DLG5: variants seen among roughly 807,000 people sequenced by gnomAD.
DLG5 encodes discs large MAGUK scaffold protein 5, also known as disks large homolog 5.
A neutral mutation model predicts 189.8 loss-of-function variants in DLG5; 48 were observed. That is an observed-to-expected ratio of 0.25 (90% CI 0.20 to 0.32). The LOEUF (loss-of-function observed/expected upper bound fraction) is 0.32, where lower values mean the gene tolerates loss of function less well. DLG5 is among the 10% of genes least tolerant of loss of function. The pLI is 1.00. For synonymous variants in DLG5, 1,016 were observed against 1,054.1 expected, an observed-to-expected ratio of 0.96 and a Z score of 0.70; for missense variants, 2,160 against 2,544.7, an observed-to-expected ratio of 0.85 and a Z score of 3.25.
chr10:77,870,946 CCAT>C (rs1844873799), intron 1 of DLG5, among the ~76,000 whole-genome samples: 2 of 151,738 alleles, frequency 1.3e-5, no homozygotes, highest in Non-Finnish European at 2.9e-5. Flanking sequence ...GCAGGCGTGT[CCAT>C]CAGAAAAAGA....
intron 1 of DLG5, among the ~76,000 whole-genome samples, chr10:77,900,539 C>T (rs1240232005): frequency 6.6e-6 from 1 of 152,184 alleles, no homozygotes; most frequent in African/African-American, 2.4e-5. Context: ...GTGGCTCACG[C>T]CTGTAATCCT....
chr10:77,825,409 C>CACACACACACACAA (rs1176843282), intron 13 of DLG5, among the ~76,000 whole-genome samples: 27 of 150,454 alleles, frequency 1.8e-4, no homozygotes, highest in Non-Finnish European at 3.0e-5. Flanking sequence ...CACACACACA[C>CACACACACACACAA]ACACACAGTA....
In DLG5 at chr10:77,817,759, T is replaced by C. The variant is rs1842133489; in HGVS notation, c.3784+18A>G. ...GCTTGGCACCCTCTGCAGCACAAAGTCCAAGTGGTGCAGTTACCCAGGCGG... is the reference window on the plus strand; with the variant it reads ...GCTTGGCACCCTCTGCAGCACAAAGCCCAAGTGGTGCAGTTACCCAGGCGG... On this transcript the variant is annotated intron_variant, in intron 18 of 31. Transcript: ENST00000372391. 8 of 1,547,152 alleles carry C rather than the reference T, an allele frequency of 5.2e-6. No individual in the cohort carries two copies. The highest frequency in any genetic ancestry group is 7.0e-6 in the Non-Finnish European group (8 of 1,143,074).
chr10:77,921,451 A>AT (rs1346054217), intron 1 of DLG5, among the ~76,000 whole-genome samples: 1 of 152,204 alleles, frequency 6.6e-6, no homozygotes, highest in African/African-American at 2.4e-5. Context: ...GGGAAAAAAA[A>AT]CAAACTTCCA....
the DLG5 span, among the ~76,000 whole-genome samples, chr10:77,933,474 AG>A: frequency 6.6e-6 from 1 of 151,862 alleles, no homozygotes; most frequent in Non-Finnish European, 1.5e-5. Context: ...TTGTATTTTT[AG>A]TACAGATGGG....
intron 1 of DLG5, among the ~76,000 whole-genome samples, chr10:77,909,351 T>C (rs1356418761): frequency 6.6e-6 from 1 of 152,020 alleles, no homozygotes; most frequent in Non-Finnish European, 1.5e-5. Context: ...CACCAGGGCC[T>C]GTCAGGGGTG....
At chr10:77,827,491 G>A (rs1301142780) in intron 13 of DLG5, among the ~76,000 whole-genome samples, 1 of 152,160 alleles carries the variant, frequency 6.6e-6, no homozygotes, top group Middle Eastern at 3.2e-3. Flanking sequence ...CTCCCAAAGT[G>A]CCATGATTAC....
rs1840833118 is a variant in DLG5 at position 77,794,928 on chromosome 10, G to A, written c.5467C>T (p.His1823Tyr). ...NRHCLLDIAP[H>Y]AIERLHHMHI... ...ATGTGGTGGAGCCGCTCAATAGCGT[G>A]CGGAGCAATGTCCAGGAGGCAGTGT... Residue 1823 changes from histidine (H) to tyrosine (Y), a missense_variant, in exon 30 of 32, where the codon CAC becomes TAC. Coordinates refer to ENST00000372391, the MANE Select transcript of DLG5 (RefSeq NM_004747.4). The A allele has an allele frequency of 6.2e-7, 1 of 1,613,874 alleles. No individual in the cohort carries two copies. The highest frequency in any genetic ancestry group is 1.7e-5 in the Admixed American group (1 of 59,988).
intron 13 of DLG5, among the ~76,000 whole-genome samples, chr10:77,825,229 A>G (rs1423078781): frequency 2.0e-5 from 3 of 152,180 alleles, no homozygotes; most frequent in African/African-American, 4.8e-5. Context: ...AGAAAAAATC[A>G]GCTGCCAGGG....
At chr10:77,812,115 G>A (rs1279987637) in intron 21 of DLG5, 58 bp from the exon 22 acceptor site, 1 of 1,600,032 alleles carries the variant, frequency 6.2e-7, no homozygotes, top group South Asian at 1.1e-5. Flanking sequence ...CAGGGAGGAG[G>A]CCCTGGGGAC....
chr10:77,819,526 C>A, intron 16 of DLG5, 61 bp from the exon 17 acceptor site: 1 of 1,555,482 alleles, frequency 6.4e-7, no homozygotes, highest in Non-Finnish European at 8.7e-7. Context: ...AGGACTTACA[C>A]AAGCCTTTCC....
rs1841662464 is a variant in DLG5, at chr10:77,809,694, T to A, written c.4500A>T (p.Pro1500=). Residue 1500 remains proline, a synonymous_variant, in exon 24 of 32, where the codon CCA becomes CCT. Coordinates refer to ENST00000372391, the MANE Select transcript of DLG5 (RefSeq NM_004747.4). ...AGDANKKTLE[P]RVVFIKKSQL... ...GGGACTTTTTGATGAAGACAACGCG[T>A]GGCTCCAGGGTCTTCTTGTTGGCAT... is the stretch of plus-strand genomic sequence containing the variant. The A allele has an allele frequency of 1.2e-6, 2 of 1,614,034 alleles. No homozygotes were observed. Among genetic ancestry groups the A allele is most frequent in the Non-Finnish European group, 8.5e-7 (1 of 1,179,988 alleles).
Position 77,843,617 on chromosome 10 carries a change from G to C in DLG5, c.954C>G (p.Asp318Glu), listed in dbSNP as rs34891538. 2 of 1,613,714 alleles carry C rather than the reference G, an allele frequency of 1.2e-6. No homozygotes were observed. Among genetic ancestry groups the C allele is most frequent in the Non-Finnish European group, 1.7e-6 (2 of 1,180,026 alleles). The change falls in exon 6 of 32, where the codon GAC becomes GAG. Residue 318 changes from aspartate to glutamate, a missense_variant. Asp to Glu is a conservative substitution (Grantham distance 45, BLOSUM62 2). Around this residue, in one of 5 missense-constraint regions of DLG5, gnomAD observed 664 missense variants for 838.5 expected, o/e 0.79. Transcript: ENST00000372391. ...DKLEVVKKDY[D>E]ALRKRYSEKV... ...TCTCACTGTACCTCTTCCGAAGGGC[G>C]TCATAGTCCTTCTTGACCACCTCCA... is the stretch of plus-strand genomic sequence containing the variant.
Position 77,869,207 on chromosome 10 carries a change from G to C in DLG5, c.305-10C>G, listed in dbSNP as rs1203213518. The C allele has an allele frequency of 2.5e-6, 4 of 1,613,504 alleles. No individual in the cohort carries two copies. The highest frequency in any genetic ancestry group is 3.4e-6 in the Non-Finnish European group (4 of 1,179,708). ...ACGCTGTAGGTAGAACCTGGGGAAAGAGGGGAGACCATGTTACTAACCCCA... is the reference window on the plus strand; with the variant it reads ...ACGCTGTAGGTAGAACCTGGGGAAACAGGGGAGACCATGTTACTAACCCCA... On this transcript the variant is annotated splice_polypyrimidine_tract_variant and intron_variant, in intron 1 of 31. Transcript: ENST00000372391.
At chr10:77,844,594 G>A (rs1361265153) in intron 5 of DLG5, among the ~76,000 whole-genome samples, 1 of 152,250 alleles carries the variant, frequency 6.6e-6, no homozygotes, top group Non-Finnish European at 1.5e-5. Context: ...TGGTCTAGGG[G>A]CTGGTGATGC....
chr10:77,838,480 G>A (rs1249413487), intron 7 of DLG5, among the ~76,000 whole-genome samples: 1 of 152,168 alleles, frequency 6.6e-6, no homozygotes, highest in Admixed American at 6.5e-5. Context: ...AGAAGGCGAG[G>A]GAGGCAAGGG....
chr10:77,914,384 A>G (rs1846305312), intron 1 of DLG5, among the ~76,000 whole-genome samples: 1 of 152,204 alleles, frequency 6.6e-6, no homozygotes, highest in Non-Finnish European at 1.5e-5. Flanking sequence ...CGGCAGCAGC[A>G]GCTTGCTCCT....
the DLG5 span, among the ~76,000 whole-genome samples, chr10:77,934,521 A>C: frequency 1.3e-5 from 2 of 152,172 alleles, no homozygotes; most frequent in East Asian, 3.9e-4. Flanking sequence ...GTAGAAAGGG[A>C]AGTCAGAGAG....
At chr10:77,825,315 C>G (rs920513670) in intron 13 of DLG5, among the ~76,000 whole-genome samples, 4 of 150,016 alleles carry the variant, frequency 2.7e-5, no homozygotes, top group Non-Finnish European at 4.4e-5. Context: ...GATAGAACAG[C>G]TACGTATCTT....
Sources: gnomAD v4.1 joint callset for allele counts (sites outside exome capture counted in the v4.1 genomes callset) on GRCh38, gnomAD v4.1.1 for gene constraint, gnomAD v4.1.1 regional missense constraint, MANE v1.5 for transcripts, NCBI Gene and HGNC (gene_info 2026-07-23, HGNC 2026-07-21) for gene names.